The following SNX8 variants were observed in gnomAD, a reference collection of about 807,000 sequenced individuals.
SNX8 encodes the protein sorting nexin-8.
Under a neutral mutation model 51.6 loss-of-function variants are expected in SNX8, and 25 were observed. The observed-to-expected ratio is 0.48, with a 90% confidence interval of 0.35 to 0.68. The LOEUF is 0.68. SNX8 is among the 30% of genes least tolerant of loss of function. SNX8 has a pLI of 0.00. For synonymous variants in SNX8, 324 were observed against 277.0 expected (o/e 1.17, Z -1.68); for missense variants, 695 against 624.0 (o/e 1.11, Z -1.21).
In SNX8 at chr7:2,303,762, C is replaced by G. The variant is rs192938128; in HGVS notation, c.94+10566G>C. On this transcript the variant is annotated intron_variant, in intron 1 of 10. Transcript: ENST00000222990. ...AAACAGATCCTGAAGGCAGCATGCT[C>G]GTTAAGAGTCATCACCACTCCCTAA... Among the ~76,000 whole-genome samples the G allele has an allele frequency of 4.0e-3, 604 of 152,020 alleles. 2 individuals carry two copies. Among genetic ancestry groups the G allele is most frequent in the African/African-American group, 0.013 (553 of 41,446 alleles).
At chr7:2,348,338 C>CTTTT (rs59761780) in intron 1 of SNX8, among the ~76,000 whole-genome samples, 66 of 93,642 alleles carry the variant, frequency 7.0e-4, no homozygotes, top group South Asian at 1.1e-3. Context: ...TTCTTTCTTT[C>CTTTT]TTTTTTTTTT....
At chr7:2,310,672 CA>C (rs901849476) in intron 1 of SNX8, among the ~76,000 whole-genome samples, 1 of 151,992 alleles carries the variant, frequency 6.6e-6, no homozygotes, top group African/African-American at 2.4e-5. Context: ...GAGGCTGAGG[CA>C]GAAAGAAGAA....
rs568428964 is a variant in SNX8, at chr7:2,252,146, C to G, written c.*2910G>C. 1 of 66,788 alleles carries G rather than the reference C, an allele frequency of 1.5e-5. No individual in the cohort carries two copies. The highest frequency in any genetic ancestry group is 3.3e-5 in the Non-Finnish European group (1 of 29,918). 4.1% of individuals were successfully genotyped at this position (66,788 alleles called of 1,614,324 possible). ...CCCACAGCCCCGCCAGCCCACAACCCCCCTCCCACGGCCCCGCCAGCCGTC... is the reference window on the plus strand; with the variant it reads ...CCCACAGCCCCGCCAGCCCACAACCGCCCTCCCACGGCCCCGCCAGCCGTC... On this transcript the variant is annotated 3_prime_UTR_variant, in exon 11 of 11. Transcript: ENST00000222990.
chr7:2,268,457 G>A (rs1211638022), intron 5 of SNX8, among the ~76,000 whole-genome samples: 3 of 137,198 alleles, frequency 2.2e-5, no homozygotes, highest in Admixed American at 7.0e-5. Flanking sequence ...GGTGGGGGGG[G>A]TCAGCCCCCC....
chr7:2,292,988 C>T lies in SNX8; in HGVS notation c.95-14683G>A, dbSNP rs530541599. Among the ~76,000 whole-genome samples the T allele has an allele frequency of 1.0e-3, 153 of 152,014 alleles. 1 individual carries two copies. Among genetic ancestry groups the T allele is most frequent in the African/African-American group, 3.2e-3 (131 of 41,520 alleles). Reference sequence around the variant, plus strand: ...TGAGCTACAATCGTGCCACTGCACTCCAGCCCGGGTGATAGAGTAAGACCT... The same window carrying T: ...TGAGCTACAATCGTGCCACTGCACTTCAGCCCGGGTGATAGAGTAAGACCT... On this transcript the variant is annotated intron_variant, in intron 1 of 10. Transcript: ENST00000222990.
At position 2,274,412 on chromosome 7, in the gene SNX8, T is replaced by G. The variant is rs146421979; in HGVS notation, c.418+700A>C. Among the ~76,000 whole-genome samples, 13 of 152,294 alleles carry G rather than the reference T, an allele frequency of 8.5e-5. No homozygotes were observed. In the East Asian group the frequency reaches 2.5e-3, roughly 29 times the overall value. On this transcript the variant is annotated intron_variant, in intron 3 of 10. Coordinates refer to ENST00000222990, the MANE Select transcript of SNX8 (RefSeq NM_013321.4). ...CCATGATCAGCTCTAAGCACTCATT[T>G]CCCCAGCATGTTTTATTCAGAATTT...
intron 1 of SNX8, among the ~76,000 whole-genome samples, chr7:2,351,913 T>C (rs1287457563): frequency 6.8e-6 from 1 of 146,322 alleles, no homozygotes; most frequent in African/African-American, 2.5e-5. Context: ...TGGTTTTTTT[T>C]TTTTTTTTTT....
intron 2 of SNX8, among the ~76,000 whole-genome samples, chr7:2,277,872 G>A (rs1472856805): frequency 6.6e-6 from 1 of 152,038 alleles, no homozygotes; most frequent in Non-Finnish European, 1.5e-5. Flanking sequence ...TGGACCAGGG[G>A]TGACCAGGTG....
intron 5 of SNX8, among the ~76,000 whole-genome samples, chr7:2,266,829 G>A (rs1226092773): frequency 6.6e-6 from 1 of 151,994 alleles, no homozygotes; most frequent in South Asian, 2.1e-4. Context: ...CTGAAGAAGA[G>A]GTTTAAAAAG....
At position 2,256,851 on chromosome 7, in the gene SNX8, C is replaced by T. The variant is rs760444344; in HGVS notation, c.1284+23G>A. 29 of 1,595,644 alleles carry T rather than the reference C, an allele frequency of 1.8e-5. 1 individual carries two copies. The East Asian group carries it at 6.1e-4, about 33-fold the overall frequency. ...CAAAGAAAGGCCGTGGCCGAGACGG[C>T]GGCCGGAGCAGGGCGGACTCACCTC... On this transcript the variant is annotated intron_variant, in intron 10 of 10. Coordinates refer to ENST00000222990, the MANE Select transcript of SNX8 (RefSeq NM_013321.4).
Position 2,252,545 on chromosome 7 carries a change from A to G in SNX8, c.*2511T>C, listed in dbSNP as rs1337713734. 1 of 152,242 alleles carries G rather than the reference A, an allele frequency of 6.6e-6. No homozygotes were observed. The highest frequency in any genetic ancestry group is 1.5e-5 in the Non-Finnish European group (1 of 68,238). The allele number at this position is 152,242 out of a possible 1,614,324, so 9.4% of individuals were successfully genotyped here. On this transcript the variant is annotated 3_prime_UTR_variant, in exon 11 of 11. Coordinates refer to ENST00000222990, the MANE Select transcript of SNX8 (RefSeq NM_013321.4). ...TTCCAAAGCCAGTGCCCACCCCTCC[A>G]CAGAGCCAACCCCAGGGCACACAGG... is the stretch of plus-strand genomic sequence containing the variant.
At chr7:2,330,717 T>C (rs1164740352) in intron 1 of SNX8, among the ~76,000 whole-genome samples, 2 of 151,886 alleles carry the variant, frequency 1.3e-5, no homozygotes, top group Non-Finnish European at 2.9e-5. Flanking sequence ...GCTTGATCTG[T>C]GGGAAACCCC....
chr7:2,275,242 G>T lies in SNX8; in HGVS notation c.301-13C>A. ...AGGACTTGAAGCGCTGCAAGAGAAG[G>T]GTCGGTGCTTAGATCCGACGTTGGA... On this transcript the variant is annotated splice_polypyrimidine_tract_variant and intron_variant, in intron 2 of 10. Transcript: ENST00000222990. The T allele has an allele frequency of 6.3e-7, 1 of 1,578,748 alleles. No individual in the cohort carries two copies. The highest frequency in any genetic ancestry group is 8.7e-7 in the Non-Finnish European group (1 of 1,147,844).
rs540705497 is a variant in SNX8, at chr7:2,338,425, GC to G, written c.-66+15796del. On this transcript the variant is annotated intron_variant, in intron 1 of 5. Transcript: ENST00000435336. The stretch of plus-strand genomic sequence containing the variant: ...TGCAGTGAGCCGAAATCATGCCACT[GC>G]ACTCTAGCCTGGGCGACAGAGAGAG... Among the ~76,000 whole-genome samples, 3 of 150,824 alleles carry G rather than the reference GC, an allele frequency of 2.0e-5. No individual in the cohort carries two copies. The South Asian group carries it at 6.3e-4, about 32-fold the overall frequency.
At chr7:2,340,856 CAAAAAAAAAAAAA>C (rs71026503) in intron 1 of SNX8, among the ~76,000 whole-genome samples, 740 of 45,158 alleles carry the variant, frequency 0.016, 14 homozygotes, top group African/African-American at 0.045. Context: ...GGCTGCTTCT[CAAAAAAAAAAAAA>C]AAAAAAAAAA....
At chr7:2,285,308 G>A (rs2115153949) in intron 1 of SNX8, among the ~76,000 whole-genome samples, 1 of 152,078 alleles carries the variant, frequency 6.6e-6, no homozygotes, top group African/African-American at 2.4e-5. Flanking sequence ...AGAATTGCTT[G>A]AACCCGGGAG....
Position 2,346,921 on chromosome 7 carries a change from CA to C in SNX8, c.-66+7300del, listed in dbSNP as rs758069233. 4.9e-3 allele frequency among the ~76,000 whole-genome samples: 246 copies of C among 49,778 alleles called. 2 individuals carry two copies. The highest frequency in any genetic ancestry group is 4.5e-3 in the Non-Finnish European group (91 of 20,104). 32.7% of individuals were successfully genotyped at this position (49,778 alleles called of 152,430 possible). On this transcript the variant is annotated intron_variant, in intron 1 of 5. Coordinates refer to the SNX8 transcript ENST00000435336. ...GGCGACAGAGATTGAGACTCCGTCT[CA>C]AAAAAAAAAAAAAAAAAAAGAAAAA...
At chr7:2,327,644 T>C (rs1020601967) in intron 1 of SNX8, among the ~76,000 whole-genome samples, 1 of 151,212 alleles carries the variant, frequency 6.6e-6, no homozygotes, top group African/African-American at 2.4e-5. Flanking sequence ...CCTGACCTCA[T>C]GATCCGCCCG....
intron 3 of SNX8, among the ~76,000 whole-genome samples, chr7:2,273,133 C>A (rs985290943): frequency 1.3e-5 from 2 of 152,046 alleles, no homozygotes; most frequent in Non-Finnish European, 2.9e-5. Flanking sequence ...CAGCGCCCAG[C>A]CTTTAAATAC....
Sources: gnomAD v4.1 joint callset for allele counts (sites outside exome capture counted in the v4.1 genomes callset) on GRCh38, gnomAD v4.1.1 for gene constraint, MANE v1.5 for transcripts, NCBI Gene and HGNC (gene_info 2026-07-23, HGNC 2026-07-21) for gene names.